Variants in FILIP1L observed in about 807,000 individuals in gnomAD.
FILIP1L encodes the protein filamin A interacting protein 1 like.
A neutral mutation model predicts 96.6 loss-of-function variants in FILIP1L; 55 were observed. That is an observed-to-expected ratio of 0.57 (90% confidence interval 0.46 to 0.71). The LOEUF is 0.71. Ranked by LOEUF, FILIP1L falls within the 30% of genes least tolerant of loss-of-function variation. The pLI is 0.00. For synonymous variants in FILIP1L, 467 were observed against 473.9 expected (o/e 0.99, Z 0.19); for missense variants, 1,304 against 1,321.2 (o/e 0.99, Z 0.20).
intron 1 of FILIP1L, among the ~76,000 whole-genome samples, chr3:100,025,153 T>C (rs149937178): frequency 3.9e-5 from 6 of 152,272 alleles, no homozygotes; most frequent in Non-Finnish European, 7.4e-5. Flanking sequence ...TGACCATACT[T>C]AGCTAAAAGA....
intron 1 of FILIP1L, among the ~76,000 whole-genome samples, chr3:100,100,390 A>T (rs921767300): frequency 2.0e-5 from 3 of 152,336 alleles, no homozygotes; most frequent in South Asian, 2.1e-4. Context: ...TATACATTAT[A>T]ATATTATCAG....
chr3:99,971,827 T>G (rs910078122), intron 1 of FILIP1L, among the ~76,000 whole-genome samples: 1 of 152,166 alleles, frequency 6.6e-6, no homozygotes, highest in Non-Finnish European at 1.5e-5. Flanking sequence ...AATGAATGAA[T>G]GAATAATGAC....
intron 1 of FILIP1L, among the ~76,000 whole-genome samples, chr3:99,938,093 G>T (rs1707745629): frequency 6.6e-6 from 1 of 150,994 alleles, no homozygotes; most frequent in Non-Finnish European, 1.5e-5. Flanking sequence ...GCGCGCGCGT[G>T]CATGCACACT....
intron 1 of FILIP1L, among the ~76,000 whole-genome samples, chr3:99,942,372 G>A (rs78963686): frequency 0.015 from 2,241 of 152,228 alleles, 56 homozygotes; most frequent in African/African-American, 0.052. Flanking sequence ...ATAATGGCAG[G>A]GGATAGAGGT....
intron 4 of FILIP1L, chr3:99,898,784 A>T (rs977155864): frequency 2.1e-5 from 3 of 146,236 alleles, no homozygotes; most frequent in African/African-American, 7.4e-5. Context: ...AAAAAAAAAA[A>T]AGTGCATTTT....
chr3:100,017,421 A>G (rs1371701774), intron 1 of FILIP1L, among the ~76,000 whole-genome samples: 1 of 152,222 alleles, frequency 6.6e-6, no homozygotes, highest in Non-Finnish European at 1.5e-5. Context: ...TTAGCTCATC[A>G]CATTTCTTCA....
intron 1 of FILIP1L, among the ~76,000 whole-genome samples, chr3:100,082,635 G>A (rs2065949850): frequency 6.6e-6 from 1 of 152,134 alleles, no homozygotes; most frequent in South Asian, 2.1e-4. Flanking sequence ...GGGTCCCACA[G>A]GGTAACTATT....
chr3:99,906,183 G>A (rs1017262581), intron 4 of FILIP1L, among the ~76,000 whole-genome samples: 2 of 152,142 alleles, frequency 1.3e-5, no homozygotes, highest in African/African-American at 4.8e-5. Context: ...GGGTGACAGG[G>A]CCAAGACCTT....
intron 1 of FILIP1L, among the ~76,000 whole-genome samples, chr3:99,941,869 C>T (rs1311364434): frequency 6.6e-6 from 1 of 151,886 alleles, no homozygotes; most frequent in Non-Finnish European, 1.5e-5. Context: ...GAGATAAAAC[C>T]TTGAAATTGA....
chr3:100,035,543 G>T (rs1214082268), intron 1 of FILIP1L, among the ~76,000 whole-genome samples: 1 of 152,134 alleles, frequency 6.6e-6, no homozygotes, highest in African/African-American at 2.4e-5. Context: ...AATTACAGGC[G>T]TGAGACACTG....
chr3:99,967,505 T>C (rs1326817476), intron 1 of FILIP1L, among the ~76,000 whole-genome samples: 2 of 152,202 alleles, frequency 1.3e-5, no homozygotes, highest in African/African-American at 4.8e-5. Flanking sequence ...GAATTTTTTG[T>C]TCCACTAAGA....
chr3:100,009,980 T>C (rs1437483922), intron 1 of FILIP1L, among the ~76,000 whole-genome samples: 1 of 152,236 alleles, frequency 6.6e-6, no homozygotes, highest in African/African-American at 2.4e-5. Flanking sequence ...TCTAAAGGAA[T>C]TGGTGTTTCC....
At chr3:99,876,505 G>A (rs1355500835) in intron 4 of FILIP1L, among the ~76,000 whole-genome samples, 1 of 152,214 alleles carries the variant, frequency 6.6e-6, no homozygotes, top group Non-Finnish European at 1.5e-5. Flanking sequence ...GTTGCTTCAG[G>A]GACTTCAATA....
Position 100,037,956 on chromosome 3 carries a change from T to TTG in FILIP1L, c.-11+76096_-11+76097insCA, listed in dbSNP as rs1491209575. Among the ~76,000 whole-genome samples the TTG allele has an allele frequency of 9.1e-3, 797 of 87,866 alleles. 13 individuals are homozygous for TTG. The highest frequency in any genetic ancestry group is 0.026 in the African/African-American group (636 of 24,476). 57.6% of individuals were successfully genotyped at this position (87,866 alleles called of 152,430 possible). A position where few individuals can be genotyped will look rare whatever the true frequency, so the allele number is the denominator to read the frequency against. ...TCGCTTTTCTTTTTTTTTTTTTTTT[T>TTG]GGGGGGGGAGGGAACAGAGTCTCAA... On this transcript the variant is annotated intron_variant, in intron 1 of 5. Transcript: ENST00000477258.
intron 1 of FILIP1L, among the ~76,000 whole-genome samples, chr3:99,934,998 G>A (rs1707615528): frequency 1.3e-5 from 2 of 152,086 alleles, no homozygotes; most frequent in South Asian, 4.1e-4. Context: ...GTCTACTGAG[G>A]AGCATGTGTC....
In FILIP1L at chr3:99,999,301, T is replaced by G. The variant is rs188376279; in HGVS notation, c.-10-68271A>C. On this transcript the variant is annotated intron_variant, in intron 1 of 5. Transcript: ENST00000477258. ...TCTCATAGCACATATCACATTCTTT[T>G]GTGATCATTACTGTGTTTCTCTCCC... Among the ~76,000 whole-genome samples the G allele has an allele frequency of 2.0e-5, 3 of 152,322 alleles. No homozygotes were observed. In the East Asian group the frequency reaches 5.8e-4, roughly 29 times the overall value.
intron 1 of FILIP1L, among the ~76,000 whole-genome samples, chr3:99,955,380 A>T (rs1208828252): frequency 6.6e-6 from 1 of 152,118 alleles, no homozygotes; most frequent in Non-Finnish European, 1.5e-5. Context: ...TTTTTAAAAG[A>T]TGAAAACAAA....
At chr3:99,938,091 G>GTGCA (rs1707745538) in intron 1 of FILIP1L, among the ~76,000 whole-genome samples, 1 of 150,234 alleles carries the variant, frequency 6.7e-6, no homozygotes, top group Non-Finnish European at 1.5e-5. Flanking sequence ...GCGCGCGCGC[G>GTGCA]TGCATGCACA....
chr3:99,931,175 A>T, intron 1 of FILIP1L, 145 bp from the exon 2 acceptor site: 1 of 653,558 alleles, frequency 1.5e-6, no homozygotes. Context: ...GCAGAGAAGG[A>T]TATTAGCAGA....
Sources: gnomAD v4.1 joint callset for allele counts (sites outside exome capture counted in the v4.1 genomes callset) on GRCh38, gnomAD v4.1.1 for gene constraint, MANE v1.5 for transcripts, NCBI Gene and HGNC (gene_info 2026-07-23, HGNC 2026-07-21) for gene names.